The following MID1 variants were observed in gnomAD, a reference collection of about 807,000 sequenced individuals.
The protein encoded by MID1 is midline 1, also known as E3 ubiquitin-protein ligase Midline-1.
Under a neutral mutation model 40.4 loss-of-function variants are expected in MID1, and 7 were observed. The observed-to-expected ratio is 0.17, with a 90% CI of 0.10 to 0.33. The LOEUF (loss-of-function observed/expected upper bound fraction) is 0.33, where lower values mean the gene tolerates loss of function less well. MID1 is among the 10% of genes least tolerant of loss of function. The pLI, the probability that MID1 is intolerant of heterozygous loss-of-function variation, is 1.00. For synonymous variants in MID1, 229 were observed against 221.2 expected (o/e 1.04, Z -0.31); for missense variants, 367 against 558.5 (o/e 0.66, Z 3.46).
rs184140110 is a variant in MID1 at position 10,459,734 on chromosome X, C to T, written c.1359G>A (p.Leu453=). Residue 453 remains leucine, a synonymous_variant, in exon 8 of 10, where the codon CTG becomes CTA. Transcript: ENST00000317552. ...TGAAGATGTACTTGGTGCCGCTCTG[C>T]AGACCGTGCACCGTGTAGTGGTTCT... is the stretch of plus-strand genomic sequence containing the variant. ...IKQNHYTVHG[L]QSGTKYIFMV... The T allele has an allele frequency of 3.9e-5, 47 of 1,209,059 alleles. No individual in the cohort carries two copies. The East Asian group carries it at 1.4e-3, about 35-fold the overall frequency.
At chrX:10,736,982 TATATAAG>T (rs2043492211) in intron 1 of MID1, among the ~76,000 whole-genome samples, 1 of 112,103 alleles carries the variant, frequency 8.9e-6, no homozygotes, top group South Asian at 3.7e-4. Context: ...ATAGTTTATA[TATATAAG>T]ATATATTTTT....
At chrX:10,788,400 C>A (rs2043903193) in intron 1 of MID1, among the ~76,000 whole-genome samples, 1 of 111,561 alleles carries the variant, frequency 9.0e-6, no homozygotes, top group Non-Finnish European at 1.9e-5. Flanking sequence ...TGTTCATTCA[C>A]TTTTCCTGCA....
chrX:10,823,590 G>A (rs1176400507), intron 1 of MID1, among the ~76,000 whole-genome samples: 2 of 110,978 alleles, frequency 1.8e-5, no homozygotes, highest in East Asian at 2.8e-4. Context: ...ATAGAAAAAC[G>A]TTCAAATGGA....
chrX:10,568,740 C>T (rs1187184340), intron 1 of MID1, among the ~76,000 whole-genome samples: 2 of 111,546 alleles, frequency 1.8e-5, no homozygotes, highest in South Asian at 3.9e-4. Context: ...TGTGAACTCT[C>T]ATCTGCCTTC....
At chrX:10,763,003 C>A (rs963247134) in intron 1 of MID1, among the ~76,000 whole-genome samples, 1 of 111,241 alleles carries the variant, frequency 9.0e-6, no homozygotes, top group African/African-American at 3.3e-5. Context: ...AGTGGGCAAA[C>A]TTTTTCTGAA....
chrX:10,659,011 C>T (rs2042894289), intron 1 of MID1, among the ~76,000 whole-genome samples: 1 of 111,933 alleles, frequency 8.9e-6, no homozygotes, highest in African/African-American at 3.2e-5. Context: ...CCTTTCATCA[C>T]TCAGTATCTA....
At chrX:10,784,630 G>C (rs2043868603) in intron 1 of MID1, among the ~76,000 whole-genome samples, 1 of 108,902 alleles carries the variant, frequency 9.2e-6, no homozygotes, top group African/African-American at 3.3e-5. Flanking sequence ...ATTTTTAGTA[G>C]AGACGGGGTT....
At chrX:10,600,860 CT>C (rs1373004346) in intron 1 of MID1, among the ~76,000 whole-genome samples, 25 of 108,325 alleles carry the variant, frequency 2.3e-4, no homozygotes, top group South Asian at 7.8e-4. Context: ...ATTGTTGATA[CT>C]TTTTTTTTTA....
rs552091973 is a variant in MID1 at position 10,763,384 on chromosome X, C to T, written c.-187+70170G>A. Among the ~76,000 whole-genome samples the T allele has an allele frequency of 6.6e-4, 59 of 88,926 alleles. No individual in the cohort carries two copies. The South Asian group carries it at 0.036, about 55-fold the overall frequency. The allele number at this position is 88,926 out of a possible 115,157, so 77.2% of individuals were successfully genotyped here. ...CCTGTGTCCAAGTGTTCTCATTGTT[C>T]GATTCCCACCTATGAGTGAGAACAT... is the stretch of plus-strand genomic sequence containing the variant. On this transcript the variant is annotated intron_variant, in intron 1 of 10. Coordinates refer to the MID1 transcript ENST00000380785.
intron 1 of MID1, among the ~76,000 whole-genome samples, chrX:10,737,307 C>G (rs759880688): frequency 8.9e-6 from 1 of 112,536 alleles, no homozygotes; most frequent in South Asian, 3.7e-4. Context: ...AATATATACA[C>G]CAGGTCCCTG....
chrX:10,815,187 C>T (rs747860729), intron 1 of MID1, among the ~76,000 whole-genome samples: 1 of 111,985 alleles, frequency 8.9e-6, no homozygotes, highest in South Asian at 3.7e-4. Context: ...ACAAATGACA[C>T]CGTGGTAACA....
At chrX:10,730,218 G>C (rs1037442077) in intron 1 of MID1, among the ~76,000 whole-genome samples, 1 of 111,040 alleles carries the variant, frequency 9.0e-6, no homozygotes, top group Non-Finnish European at 1.9e-5. Context: ...TACAAATCTG[G>C]ATGCCCAATT....
intron 1 of MID1, among the ~76,000 whole-genome samples, chrX:10,596,639 G>A (rs1274548719): frequency 9.0e-6 from 1 of 111,316 alleles, no homozygotes; most frequent in African/African-American, 3.3e-5. Flanking sequence ...ACCCCAACTG[G>A]GCTACAAAAT....
chrX:10,575,237 T>C (rs1934840995), intron 1 of MID1, among the ~76,000 whole-genome samples: 1 of 112,134 alleles, frequency 8.9e-6, no homozygotes, highest in Non-Finnish European at 1.9e-5. Context: ...ATCTTTATTA[T>C]AGAACTATAG....
intron 7 of MID1, among the ~76,000 whole-genome samples, chrX:10,462,078 C>CTATCCTG (rs1456188916): frequency 8.9e-6 from 1 of 111,943 alleles, no homozygotes; most frequent in Non-Finnish European, 1.9e-5. Flanking sequence ...GGGACTCTGA[C>CTATCCTG]TATCCTGATT....
chrX:10,757,934 T>C (rs1240153888), intron 1 of MID1, among the ~76,000 whole-genome samples: 1 of 109,487 alleles, frequency 9.1e-6, no homozygotes, highest in Non-Finnish European at 1.9e-5. Flanking sequence ...TTAATGTACA[T>C]CAATTGGTCT....
At chrX:10,621,886 C>T (rs1034406782), upstream of MID1, among the ~76,000 whole-genome samples, 5 of 105,069 alleles carry the variant, frequency 4.8e-5, no homozygotes, top group African/African-American at 7.0e-5. Context: ...AATTCTTTGT[C>T]GTGAGGGCTG....
At chrX:10,733,402 A>AT (rs1450977449) in intron 1 of MID1, among the ~76,000 whole-genome samples, 1 of 111,607 alleles carries the variant, frequency 9.0e-6, no homozygotes, top group African/African-American at 3.2e-5. Flanking sequence ...GGGCAGGAAA[A>AT]TTTTTTTTAG....
intron 4 of MID1, among the ~76,000 whole-genome samples, chrX:10,492,126 C>G (rs1193095781): frequency 9.1e-6 from 1 of 110,265 alleles, no homozygotes; most frequent in African/African-American, 3.3e-5. Context: ...ACTTTTTTTG[C>G]TCTTTTGAAA....
Sources: gnomAD v4.1 joint callset for allele counts (sites outside exome capture counted in the v4.1 genomes callset) on GRCh38, gnomAD v4.1.1 for gene constraint, MANE v1.5 for transcripts, NCBI Gene and HGNC (gene_info 2026-07-23, HGNC 2026-07-21) for gene names.